Variants in CFAP92 observed in about 807,000 individuals in gnomAD.
CFAP92 encodes the protein cilia and flagella associated protein 92 (putative).
A neutral mutation model predicts 106.3 loss-of-function variants in CFAP92; 86 were observed. That is an observed-to-expected ratio of 0.81 (90% CI 0.68 to 0.97). The LOEUF (loss-of-function observed/expected upper bound fraction) is 0.97, where lower values mean the gene tolerates loss of function less well. CFAP92 is among the 50% of genes least tolerant of loss of function. CFAP92 has a pLI of 0.00. For missense variants in CFAP92, 1,204 were observed against 1,283.8 expected (o/e 0.94, Z 0.95); for synonymous variants, 477 against 506.4 (o/e 0.94, Z 0.78).
chr3:128,975,748 T>C, intron 7 of CFAP92, 31 bp downstream of exon 7: 1 of 1,497,394 alleles, frequency 6.7e-7, no homozygotes, highest in Non-Finnish European at 9.1e-7. Context: ...CTAGTTATAT[T>C]ATAAAATTCC....
chr3:128,945,587 T>C lies in CFAP92; in HGVS notation c.1742A>G (p.Asn581Ser). The C allele has an allele frequency of 2.0e-6, 3 of 1,536,102 alleles. No individual in the cohort carries two copies. The highest frequency in any genetic ancestry group is 2.6e-6 in the Non-Finnish European group (3 of 1,146,906). Residue 581 changes from asparagine (N) to serine (S), a missense_variant, in exon 10 of 16, where the codon AAT (asparagine) becomes AGT (serine). Physicochemically the swap from Asn to Ser is conservative, Grantham distance 46. Coordinates refer to ENST00000645291, the MANE Select transcript of CFAP92 (RefSeq NM_001394090.1). Reference sequence around the variant, plus strand: ...ACAGCTGTGGATGGGGACGGCCAGATTCAAGTACTTGTGGCCAAGGAGGAG... The same window carrying C: ...ACAGCTGTGGATGGGGACGGCCAGACTCAAGTACTTGTGGCCAAGGAGGAG... ...ADLLLGHKYL[N>S]LAVPIHSCEV...
intron 9 of CFAP92, among the ~76,000 whole-genome samples, chr3:128,961,076 C>T (rs1170786261): frequency 1.3e-5 from 2 of 152,214 alleles, no homozygotes; most frequent in African/African-American, 4.8e-5. Flanking sequence ...TGACCTAAAA[C>T]CTAAATGCCT....
At chr3:128,984,927 G>T (rs1458117809) in intron 4 of CFAP92, among the ~76,000 whole-genome samples, 2 of 152,186 alleles carry the variant, frequency 1.3e-5, no homozygotes, top group African/African-American at 4.8e-5. Flanking sequence ...TTTTACGTGA[G>T]AAAAGGCAGG....
At chr3:128,927,380 C>T (rs530888057) in intron 12 of CFAP92, among the ~76,000 whole-genome samples, 3 of 152,118 alleles carry the variant, frequency 2.0e-5, no homozygotes, top group Non-Finnish European at 4.4e-5. Context: ...TCACAGATGA[C>T]GTGATCCAGT....
At chr3:129,018,122 C>T in the CFAP92 span, among the ~76,000 whole-genome samples, 4 of 152,176 alleles carry the variant, frequency 2.6e-5, no homozygotes, top group Admixed American at 2.6e-4. Flanking sequence ...TATTCTATAA[C>T]CTAATAGGAT....
chr3:128,918,467 C>T (rs146609787), intron 12 of CFAP92, among the ~76,000 whole-genome samples: 17 of 152,056 alleles, frequency 1.1e-4, no homozygotes, highest in East Asian at 3.9e-4. Flanking sequence ...AGCCAGACTC[C>T]GTCTCAAAAA....
At chr3:128,937,861 G>A (rs62265299) in intron 10 of CFAP92, among the ~76,000 whole-genome samples, 4,353 of 152,116 alleles carry the variant, frequency 0.029, 104 homozygotes, top group South Asian at 0.11. Flanking sequence ...TCAGGAGTTC[G>A]AGACCAGCCT....
rs748344944 is a variant in CFAP92, at chr3:128,987,793, C to A, written c.490G>T (p.Val164Leu). The A allele has an allele frequency of 1.2e-6, 2 of 1,613,114 alleles. No individual in the cohort carries two copies. Among genetic ancestry groups the A allele is most frequent in the Non-Finnish European group, 1.7e-6 (2 of 1,179,400 alleles). ...KPWHEGDKAW[V>L]SWEQTFNITV... The stretch of plus-strand genomic sequence containing the variant: ...ATATTAAAAGTCTGCTCCCACGACA[C>A]CCAGGCTTTGTCACCTTCGTGCCAC... Residue 164 changes from valine (V) to leucine (L), a missense_variant, in exon 4 of 16, where the codon GTG becomes TTG. Physicochemically the swap from Val to Leu is conservative, Grantham distance 32. Transcript: ENST00000645291.
chr3:128,933,381 G>A (rs1277849333), intron 11 of CFAP92, among the ~76,000 whole-genome samples: 2 of 152,180 alleles, frequency 1.3e-5, no homozygotes, highest in African/African-American at 2.4e-5. Context: ...TCAGGGGGCT[G>A]GCTGTTAATA....
chr3:128,923,219 A>G (rs1289365073), intron 12 of CFAP92, among the ~76,000 whole-genome samples: 2 of 152,142 alleles, frequency 1.3e-5, no homozygotes, highest in African/African-American at 4.8e-5. Flanking sequence ...GACTGGAGGG[A>G]CCCAACCATG....
At chr3:128,915,816 C>T (rs1489333992) in intron 13 of CFAP92, 1 of 495,064 alleles carries the variant, frequency 2.0e-6, no homozygotes, top group African/African-American at 2.0e-5. Context: ...TGGTAGCTGC[C>T]TTGATAAGCA....
chr3:128,935,481 G>A (rs1055603771), intron 10 of CFAP92, among the ~76,000 whole-genome samples, 162 bp from the exon 11 acceptor site: 1 of 152,168 alleles, frequency 6.6e-6, no homozygotes, highest in Admixed American at 6.5e-5. Context: ...GGAGGCTGAG[G>A]TGGGCAGATC....
At chr3:129,015,280 C>G in the CFAP92 span, among the ~76,000 whole-genome samples, 1 of 152,206 alleles carries the variant, frequency 6.6e-6, no homozygotes, top group Admixed American at 6.5e-5. Context: ...TCCACATTCA[C>G]CCTTCAGGTC....
Position 128,932,654 on chromosome 3 carries a change from CCAG to C in CFAP92, c.2751+43_2751+45del, listed in dbSNP as rs909687947. The C allele has an allele frequency of 3.8e-5, 57 of 1,502,506 alleles. No homozygotes were observed. The African/African-American group carries it at 7.3e-4, about 19-fold the overall frequency. The allele number at this position is 1,502,506 out of a possible 1,614,324, so 93.1% of individuals were successfully genotyped here. A position where few individuals can be genotyped will look rare whatever the true frequency, so the allele number is the denominator to read the frequency against. ...GCCTCTCAGCAGGCGCCTGGACCGC[CCAG>C]GTGAGGCCTGGGAACCCCAAGTTGG... On this transcript the variant is annotated intron_variant, in intron 12 of 15. Coordinates refer to ENST00000645291, the MANE Select transcript of CFAP92 (RefSeq NM_001394090.1).
At chr3:128,977,953 C>G (rs954181184) in intron 5 of CFAP92, 92 bp downstream of exon 5, 2 of 1,521,972 alleles carry the variant, frequency 1.3e-6, no homozygotes, top group African/African-American at 2.7e-5. Context: ...GGAGGGACGC[C>G]CATGCAGATG....
chr3:128,930,766 T>C (rs1938275156), intron 12 of CFAP92, among the ~76,000 whole-genome samples: 1 of 152,040 alleles, frequency 6.6e-6, no homozygotes, highest in South Asian at 2.1e-4. Flanking sequence ...AAAATAAATT[T>C]AAAACACTTC....
At chr3:128,923,797 C>T (rs1208635421) in intron 12 of CFAP92, among the ~76,000 whole-genome samples, 1 of 152,140 alleles carries the variant, frequency 6.6e-6, no homozygotes, top group Admixed American at 6.5e-5. Context: ...TCTTAAATGC[C>T]ATCTGGAGGG....
chr3:128,962,193 G>A (rs1331519920), intron 9 of CFAP92, among the ~76,000 whole-genome samples: 2 of 152,090 alleles, frequency 1.3e-5, no homozygotes, highest in Admixed American at 6.6e-5. Flanking sequence ...CGATCGCCTC[G>A]GAAGCCCCAT....
intron 9 of CFAP92, among the ~76,000 whole-genome samples, chr3:128,957,713 G>A (rs1941550200): frequency 6.6e-6 from 1 of 152,174 alleles, no homozygotes; most frequent in Non-Finnish European, 1.5e-5. Context: ...AAAGAAACAT[G>A]ACCAAACTAC....
Sources: allele counts gnomAD v4.1 joint callset (sites outside exome capture counted in the v4.1 genomes callset), GRCh38; gene constraint gnomAD v4.1.1; transcripts MANE v1.5; gene names NCBI Gene and HGNC (gene_info 2026-07-23, HGNC 2026-07-21).